Variants in EPHA7 observed in about 807,000 individuals in gnomAD.
EPHA7 encodes ephrin type-A receptor 7.
In EPHA7, 25 loss-of-function variants were observed where a neutral mutation model predicts 112.6. The observed-to-expected ratio is 0.22, with a 90% CI of 0.16 to 0.31. EPHA7 has a LOEUF of 0.31. Ranked by LOEUF, EPHA7 falls within the 10% of genes least tolerant of loss-of-function variation. The pLI is 1.00. For missense variants in EPHA7, 962 were observed against 1,212.6 expected, an observed-to-expected ratio of 0.79 and a Z score of 3.07; for synonymous variants, 437 against 406.5, an observed-to-expected ratio of 1.07 and a Z score of -0.90.
chr6:93,257,030 A>G (rs1582399371), intron 12 of EPHA7, among the ~76,000 whole-genome samples: 2 of 152,138 alleles, frequency 1.3e-5, no homozygotes, highest in East Asian at 3.9e-4. Context: ...TAATAGTCAT[A>G]CATTTTATGC....
At chr6:93,322,769 A>T (rs1457211716) in intron 5 of EPHA7, among the ~76,000 whole-genome samples, 1 of 151,600 alleles carries the variant, frequency 6.6e-6, no homozygotes, top group African/African-American at 2.4e-5. Context: ...GATTCAAATA[A>T]ATCCCTGAGG....
intron 3 of EPHA7, among the ~76,000 whole-genome samples, chr6:93,401,610 A>T (rs917353261): frequency 6.6e-6 from 1 of 152,050 alleles, no homozygotes; most frequent in Non-Finnish European, 1.5e-5. Context: ...AAAAATAAAA[A>T]CTTATATGTG....
intron 5 of EPHA7, among the ~76,000 whole-genome samples, chr6:93,278,065 C>G (rs1389363517): frequency 2.0e-5 from 3 of 151,980 alleles, no homozygotes; most frequent in African/African-American, 4.8e-5. Context: ...TCTGACAATA[C>G]ATCTTTCTGA....
intron 5 of EPHA7, among the ~76,000 whole-genome samples, chr6:93,346,521 A>G (rs1430757514): frequency 6.6e-6 from 1 of 151,826 alleles, no homozygotes; most frequent in African/African-American, 2.4e-5. Context: ...GAAACCTATT[A>G]CAAATGTGTT....
At chr6:93,370,731 G>A (rs1462304057) in intron 3 of EPHA7, among the ~76,000 whole-genome samples, 1 of 151,976 alleles carries the variant, frequency 6.6e-6, no homozygotes, top group Non-Finnish European at 1.5e-5. Context: ...TATGACCTAT[G>A]GAGGGGCACG....
chr6:93,384,738 A>C (rs1777516555), intron 3 of EPHA7, among the ~76,000 whole-genome samples: 1 of 152,116 alleles, frequency 6.6e-6, no homozygotes, highest in African/African-American at 2.4e-5. Flanking sequence ...CCCTCACTTT[A>C]ATTAGAATTA....
intron 2 of EPHA7, among the ~76,000 whole-genome samples, chr6:93,412,708 T>C (rs1779036350): frequency 1.3e-5 from 2 of 152,004 alleles, no homozygotes; most frequent in Non-Finnish European, 2.9e-5. Context: ...TTAATTAGAT[T>C]GAAATTGCTG....
intron 5 of EPHA7, among the ~76,000 whole-genome samples, chr6:93,315,221 C>G (rs1485748133): frequency 6.6e-6 from 1 of 152,090 alleles, no homozygotes; most frequent in African/African-American, 2.4e-5. Flanking sequence ...TATATATTAT[C>G]AAAATCTGAT....
intron 3 of EPHA7, among the ~76,000 whole-genome samples, chr6:93,375,699 T>C (rs954222203): frequency 6.6e-6 from 1 of 151,434 alleles, no homozygotes; most frequent in Non-Finnish European, 1.5e-5. Context: ...AAAAAAGTAA[T>C]GAAAAAAGAA....
chr6:93,398,291 G>C (rs1241703258), intron 3 of EPHA7, among the ~76,000 whole-genome samples: 1 of 151,864 alleles, frequency 6.6e-6, no homozygotes, highest in Admixed American at 6.6e-5. Flanking sequence ...TAAACATCTT[G>C]GCTGAGTTCC....
chr6:93,376,507 C>T (rs547814381), intron 3 of EPHA7, among the ~76,000 whole-genome samples: 3 of 152,110 alleles, frequency 2.0e-5, no homozygotes, highest in Non-Finnish European at 2.9e-5. Context: ...TCTTTGAGAA[C>T]ATAACTGATC....
At chr6:93,260,546 G>T (rs544176225) in intron 9 of EPHA7, 2 of 959,390 alleles carry the variant, frequency 2.1e-6, no homozygotes, top group Admixed American at 1.2e-4. Context: ...ACTATTTGGA[G>T]AACAATATAT....
intron 5 of EPHA7, among the ~76,000 whole-genome samples, chr6:93,353,943 T>G (rs75400530): frequency 0.044 from 6,618 of 152,108 alleles, 170 homozygotes; most frequent in African/African-American, 0.055. Flanking sequence ...AACTACAAAG[T>G]ACACACACTA....
intron 5 of EPHA7, among the ~76,000 whole-genome samples, chr6:93,339,575 C>T (rs1775042863): frequency 6.6e-6 from 1 of 151,686 alleles, no homozygotes; most frequent in African/African-American, 2.4e-5. Context: ...GGTCAAAAAA[C>T]AACTTGATCA....
intron 3 of EPHA7, among the ~76,000 whole-genome samples, chr6:93,372,618 A>ATG (rs1272823203): frequency 6.6e-6 from 1 of 152,136 alleles, no homozygotes; most frequent in African/African-American, 2.4e-5. Flanking sequence ...GCAAGATAAG[A>ATG]TGCATTGCTT....
intron 3 of EPHA7, among the ~76,000 whole-genome samples, chr6:93,379,075 A>G (rs1402861925): frequency 6.6e-6 from 1 of 152,186 alleles, no homozygotes; most frequent in African/African-American, 2.4e-5. Flanking sequence ...ATATTAACAT[A>G]AGTAATACAA....
At chr6:93,324,332 G>C (rs1774215118) in intron 5 of EPHA7, among the ~76,000 whole-genome samples, 1 of 151,192 alleles carries the variant, frequency 6.6e-6, no homozygotes, top group Non-Finnish European at 1.5e-5. Flanking sequence ...AAAATCTCAG[G>C]TAATTTAAAA....
intron 3 of EPHA7, among the ~76,000 whole-genome samples, chr6:93,363,397 G>A (rs1196916965): frequency 6.6e-6 from 1 of 152,106 alleles, no homozygotes; most frequent in Non-Finnish European, 1.5e-5. Flanking sequence ...CAAGGAATCT[G>A]AATTGATGTT....
intron 5 of EPHA7, among the ~76,000 whole-genome samples, chr6:93,298,665 T>G (rs1772802164): frequency 6.6e-6 from 1 of 152,142 alleles, no homozygotes; most frequent in African/African-American, 2.4e-5. Context: ...AATCCCTTTT[T>G]AAATGAGAAA....
Sources: allele counts gnomAD v4.1 joint callset (sites outside exome capture counted in the v4.1 genomes callset), GRCh38; gene constraint gnomAD v4.1.1; transcripts MANE v1.5; gene names NCBI Gene and HGNC (gene_info 2026-07-23, HGNC 2026-07-21).